Variants in RALGPS1 observed in about 807,000 individuals in gnomAD.
RALGPS1 encodes Ral GEF with PH domain and SH3 binding motif 1, also known as ras-specific guanine nucleotide-releasing factor RalGPS1.
In RALGPS1, 19 loss-of-function variants were observed where a neutral mutation model predicts 78.8. That is an observed-to-expected ratio of 0.24 (90% CI 0.17 to 0.35). The LOEUF is 0.35. RALGPS1 is among the 10% of genes least tolerant of loss of function. The pLI, the probability that RALGPS1 is intolerant of heterozygous loss-of-function variation, is 1.00. For missense variants in RALGPS1, 454 were observed against 688.3 expected (o/e 0.66, Z 3.81); for synonymous variants, 228 against 256.3 (o/e 0.89, Z 1.06).
At chr9:126,950,290 G>A (rs1418414837) in intron 1 of RALGPS1, among the ~76,000 whole-genome samples, 9 of 152,128 alleles carry the variant, frequency 5.9e-5, no homozygotes, top group Non-Finnish European at 2.9e-5. Flanking sequence ...TTCACTTGGC[G>A]ATGTGGGCTC....
intron 5 of RALGPS1, among the ~76,000 whole-genome samples, chr9:127,046,284 A>G (rs949630310): frequency 6.6e-6 from 1 of 152,162 alleles, no homozygotes; most frequent in African/African-American, 2.4e-5. Context: ...CCACTTGTTA[A>G]ATATTGGCTG....
At chr9:127,103,699 T>C (rs879410373) in intron 8 of RALGPS1, among the ~76,000 whole-genome samples, 10 of 152,206 alleles carry the variant, frequency 6.6e-5, no homozygotes, top group Admixed American at 6.5e-4. Context: ...ATTGGAACCA[T>C]GTTCTAATAA....
At chr9:126,915,291 G>A (rs1275761820) in intron 1 of RALGPS1, among the ~76,000 whole-genome samples, 2 of 128,978 alleles carry the variant, frequency 1.6e-5, no homozygotes, top group South Asian at 2.5e-4. Context: ...GGCCGGGGGG[G>A]CAGTTGGGCG....
intron 4 of RALGPS1, among the ~76,000 whole-genome samples, chr9:127,030,719 G>A (rs558224497): frequency 9.3e-5 from 14 of 151,310 alleles, no homozygotes; most frequent in South Asian, 2.1e-4. Context: ...AGAGGAAGAC[G>A]TGGAAGGTAC....
intron 4 of RALGPS1, among the ~76,000 whole-genome samples, chr9:127,015,854 G>A (rs1238691980): frequency 6.6e-6 from 1 of 151,936 alleles, no homozygotes; most frequent in African/African-American, 2.4e-5. Context: ...CCACTTGGAG[G>A]CACTTCTCAC....
chr9:127,066,159 C>T (rs958510508), intron 7 of RALGPS1, among the ~76,000 whole-genome samples: 2 of 152,192 alleles, frequency 1.3e-5, no homozygotes, highest in African/African-American at 2.4e-5. Flanking sequence ...CATGGGCAGT[C>T]CCCCAGCTGA....
intron 17 of RALGPS1, chr9:127,214,215 T>TG (rs747145412): frequency 6.6e-6 from 1 of 152,392 alleles, no homozygotes; most frequent in Non-Finnish European, 1.5e-5. Context: ...ATCTTTGTTT[T>TG]CAGTTACTTG....
In RALGPS1 at chr9:127,215,215, C is replaced by T. The variant is rs78254561; in HGVS notation, c.1644+373C>T. 5.0e-4 allele frequency among the ~76,000 whole-genome samples: 76 copies of T among 152,334 alleles called. 1 individual carries two copies. The East Asian group carries it at 0.013, about 25-fold the overall frequency. On this transcript the variant is annotated intron_variant, in intron 18 of 18. Coordinates refer to ENST00000259351, the MANE Select transcript of RALGPS1 (RefSeq NM_014636.3). ...GAATACTCCAGACTCACTAAAGGGC[C>T]TCCCTGCCCCACAACCCTTGGGAAT...
chr9:127,060,830 A>G (rs2049150785), intron 7 of RALGPS1, among the ~76,000 whole-genome samples: 1 of 152,220 alleles, frequency 6.6e-6, no homozygotes, highest in East Asian at 1.9e-4. Context: ...TCGCTCCTTC[A>G]GAGCAGCATT....
chr9:126,919,103 C>T (rs2119493790), intron 1 of RALGPS1, among the ~76,000 whole-genome samples: 1 of 152,308 alleles, frequency 6.6e-6, no homozygotes, highest in Middle Eastern at 3.4e-3. Context: ...TATATTCTTT[C>T]TCTTACACAA....
At chr9:127,208,108 G>C (rs911483652) in intron 14 of RALGPS1, among the ~76,000 whole-genome samples, 1 of 152,196 alleles carries the variant, frequency 6.6e-6, no homozygotes, top group Non-Finnish European at 1.5e-5. Context: ...GGCACGTGGC[G>C]TGCAGTTGAG....
At chr9:127,068,006 TC>T (rs972304017) in intron 7 of RALGPS1, among the ~76,000 whole-genome samples, 1 of 152,148 alleles carries the variant, frequency 6.6e-6, no homozygotes, top group Non-Finnish European at 1.5e-5. Flanking sequence ...AACCAGGAGT[TC>T]TGGTTTCTGT....
intron 1 of RALGPS1, among the ~76,000 whole-genome samples, chr9:126,944,397 C>T (rs1448043353): frequency 1.3e-5 from 2 of 152,118 alleles, no homozygotes; most frequent in African/African-American, 4.8e-5. Context: ...GTCAAGACCC[C>T]CTGCTCCCTA....
chr9:126,945,323 C>T (rs375537341), intron 1 of RALGPS1, among the ~76,000 whole-genome samples: 26 of 152,206 alleles, frequency 1.7e-4, no homozygotes, highest in East Asian at 1.5e-3. Flanking sequence ...CTCAGCCTCC[C>T]GAGTAGCTGG....
chr9:127,081,078 T>C (rs777262481), intron 8 of RALGPS1, among the ~76,000 whole-genome samples: 11 of 152,232 alleles, frequency 7.2e-5, no homozygotes, highest in Non-Finnish European at 1.0e-4. Context: ...CTTTGCAACT[T>C]TACAGTGCCT....
At chr9:126,943,180 T>A (rs1485040625) in intron 1 of RALGPS1, among the ~76,000 whole-genome samples, 1 of 152,198 alleles carries the variant, frequency 6.6e-6, no homozygotes, top group Non-Finnish European at 1.5e-5. Flanking sequence ...ACTCACTCTG[T>A]TGCCCAGGCT....
At chr9:127,191,898 C>T (rs914800703) in intron 11 of RALGPS1, among the ~76,000 whole-genome samples, 10 of 152,002 alleles carry the variant, frequency 6.6e-5, no homozygotes, top group South Asian at 6.2e-4. Flanking sequence ...GGGGTTTCAC[C>T]GTGTCAGCCA....
intron 7 of RALGPS1, among the ~76,000 whole-genome samples, chr9:127,055,003 GAGAGAGAGAGAGAGAGAGAGAGA>G (rs2048606427): frequency 3.6e-5 from 1 of 27,908 alleles, no homozygotes; most frequent in Non-Finnish European, 7.6e-5. Flanking sequence ...GATTGAGAGA[GAGAGAGAGAGAGAGAGAGAGAGA>G]GAGAGAGAGA....
intron 7 of RALGPS1, among the ~76,000 whole-genome samples, chr9:127,060,821 C>T (rs1293112963): frequency 3.3e-5 from 5 of 152,226 alleles, no homozygotes; most frequent in African/African-American, 1.2e-4. Context: ...TGTGTGCCAT[C>T]GCTCCTTCAG....
Sources: allele counts gnomAD v4.1 joint callset (sites outside exome capture counted in the v4.1 genomes callset), GRCh38; gene constraint gnomAD v4.1.1; transcripts MANE v1.5; gene names NCBI Gene and HGNC (gene_info 2026-07-23, HGNC 2026-07-21).